Variants in IL13RA1 observed in about 807,000 individuals in gnomAD.
The protein encoded by IL13RA1 is interleukin-13 receptor subunit alpha-1.
In IL13RA1, 14 loss-of-function variants were observed where a neutral mutation model predicts 33.8. That is an observed-to-expected ratio of 0.41 (90% CI 0.27 to 0.65). The LOEUF is 0.65. Among genes scored for constraint, IL13RA1 ranks in the 30% least tolerant of loss-of-function variants. IL13RA1 has a pLI of 0.28. For synonymous variants in IL13RA1, 116 were observed against 115.7 expected, an observed-to-expected ratio of 1.00 and a Z score of -0.02; for missense variants, 313 against 327.0, an observed-to-expected ratio of 0.96 and a Z score of 0.33.
At chrX:118,751,082 C>G (rs1190608887) in intron 4 of IL13RA1, among the ~76,000 whole-genome samples, 1 of 112,186 alleles carries the variant, frequency 8.9e-6, no homozygotes, top group Non-Finnish European at 1.9e-5. Context: ...GCTGGGATTA[C>G]AGGTGTGAGC....
chrX:118,746,721 A>G (rs1212775746), intron 2 of IL13RA1, among the ~76,000 whole-genome samples: 1 of 110,054 alleles, frequency 9.1e-6, no homozygotes, highest in Non-Finnish European at 1.9e-5. Flanking sequence ...ACCTCTACTT[A>G]CTAGATGCTG....
downstream of IL13RA1, among the ~76,000 whole-genome samples, chrX:118,799,361 C>T (rs1408339358): frequency 8.8e-6 from 1 of 113,317 alleles, no homozygotes; most frequent in South Asian, 3.5e-4. Flanking sequence ...GCAGGACTGG[C>T]AGGCAGCTCC....
intron 1 of IL13RA1, among the ~76,000 whole-genome samples, chrX:118,728,198 C>T (rs1603205550): frequency 8.9e-6 from 1 of 112,417 alleles, no homozygotes; most frequent in East Asian, 2.8e-4. Context: ...CGCCGGGGCT[C>T]TTTGCCCGAG....
chrX:118,787,134 A>G (rs919528344), intron 10 of IL13RA1, among the ~76,000 whole-genome samples: 1 of 111,576 alleles, frequency 9.0e-6, no homozygotes, highest in African/African-American at 3.3e-5. Flanking sequence ...TTACTTTCCT[A>G]TTGGGGGAAC....
At chrX:118,785,411 A>T (rs1009919867) in intron 10 of IL13RA1, among the ~76,000 whole-genome samples, 3 of 110,990 alleles carry the variant, frequency 2.7e-5, no homozygotes, top group Non-Finnish European at 5.7e-5. Flanking sequence ...GCCCTTTCAC[A>T]TCCTCTTGAA....
chrX:118,766,628 G>A (rs752700707), intron 7 of IL13RA1, 51 bp downstream of exon 7: 35 of 698,142 alleles, frequency 5.0e-5, no homozygotes, highest in Non-Finnish European at 6.9e-5. Flanking sequence ...AGCAGTTGGG[G>A]GTGGAGCATA....
chrX:118,769,046 G>A (rs57407328), intron 8 of IL13RA1, among the ~76,000 whole-genome samples: 6,829 of 112,178 alleles, frequency 0.061, 531 homozygotes, highest in African/African-American at 0.21. Flanking sequence ...GAGAGAACAC[G>A]CAATATGGGA....
chrX:118,786,718 G>C (rs754877504), intron 10 of IL13RA1, among the ~76,000 whole-genome samples: 1 of 111,072 alleles, frequency 9.0e-6, no homozygotes, highest in Non-Finnish European at 1.9e-5. Flanking sequence ...CTTTTTTGTC[G>C]CTCTTGTCCC....
intron 1 of IL13RA1, among the ~76,000 whole-genome samples, chrX:118,735,298 T>A (rs749960049): frequency 1.5e-4 from 17 of 111,317 alleles, no homozygotes; most frequent in African/African-American, 5.2e-4. Context: ...TATTTTTCTA[T>A]TCCCTTTTTC....
intron 10 of IL13RA1, among the ~76,000 whole-genome samples, chrX:118,790,217 A>G (rs952746044): frequency 8.9e-6 from 1 of 112,227 alleles, no homozygotes; most frequent in Non-Finnish European, 1.9e-5. Context: ...AAGATGTCCT[A>G]TAAATGAAAT....
At chrX:118,746,854 C>CT (rs2017410544) in intron 2 of IL13RA1, 100 bp from the exon 3 acceptor site, 1 of 609,943 alleles carries the variant, frequency 1.6e-6, no homozygotes, top group Non-Finnish European at 2.6e-6. Context: ...CATTTGATAA[C>CT]TTTTTTGATA....
chrX:118,802,348 C>T, the IL13RA1 span, among the ~76,000 whole-genome samples: 1 of 111,405 alleles, frequency 9.0e-6, no homozygotes, highest in Non-Finnish European at 1.9e-5. Flanking sequence ...TCTGGCTTTA[C>T]TACTTTATTT....
chrX:118,800,586 C>G, the IL13RA1 span, among the ~76,000 whole-genome samples: 6 of 110,757 alleles, frequency 5.4e-5, no homozygotes, highest in African/African-American at 1.3e-4. Context: ...ACCTTAAGAG[C>G]TGTAACAGTC....
chrX:118,732,866 C>T (rs758703857), intron 1 of IL13RA1, among the ~76,000 whole-genome samples: 2 of 111,794 alleles, frequency 1.8e-5, no homozygotes, highest in Admixed American at 1.9e-4. Flanking sequence ...AATAAACATA[C>T]GTGTGCATGT....
chrX:118,729,368 AG>A (rs1185946175), intron 1 of IL13RA1, among the ~76,000 whole-genome samples: 4 of 112,477 alleles, frequency 3.6e-5, no homozygotes, highest in African/African-American at 1.3e-4. Context: ...AAGTATTGAT[AG>A]AATTGCATTG....
At chrX:118,756,359 T>C (rs1404214265) in intron 4 of IL13RA1, among the ~76,000 whole-genome samples, 1 of 111,907 alleles carries the variant, frequency 8.9e-6, no homozygotes, top group Non-Finnish European at 1.9e-5. Flanking sequence ...ATTGTCTGCC[T>C]GCGCTGGGCT....
At chrX:118,771,005 A>G in intron 8 of IL13RA1, 1 of 209,992 alleles carries the variant, frequency 4.8e-6, no homozygotes, top group Non-Finnish European at 8.8e-6. Context: ...GAAGGGAATT[A>G]CCCACTTACT....
intron 8 of IL13RA1, among the ~76,000 whole-genome samples, chrX:118,771,994 A>C (rs1254207509): frequency 1.8e-5 from 2 of 112,291 alleles, no homozygotes; most frequent in East Asian, 5.6e-4. Flanking sequence ...ATTAAAAAAA[A>C]TCACTATCTC....
rs778082285 is a variant in IL13RA1, at chrX:118,749,112, T to C, written c.368-546T>C. On this transcript the variant is annotated intron_variant, in intron 3 of 10. Coordinates refer to ENST00000371666, the MANE Select transcript of IL13RA1 (RefSeq NM_001560.3). ...TGTATTTTTAGTAGAGACAGGGTTT[T>C]GCCGAGTTGGCCAGGCTGTTCTTGA... Among the ~76,000 whole-genome samples, 4 of 111,987 alleles carry C rather than the reference T, an allele frequency of 3.6e-5. No individual in the cohort carries two copies. The East Asian group carries it at 1.1e-3, about 32-fold the overall frequency.
Sources: allele counts gnomAD v4.1 joint callset (sites outside exome capture counted in the v4.1 genomes callset), GRCh38; gene constraint gnomAD v4.1.1; transcripts MANE v1.5; gene names NCBI Gene and HGNC (gene_info 2026-07-23, HGNC 2026-07-21).